NAA16: variants seen among roughly 807,000 people sequenced by gnomAD.
NAA16 encodes N-alpha-acetyltransferase 16, NatA auxiliary subunit.
A neutral mutation model predicts 110.3 loss-of-function variants in NAA16; 97 were observed. That is an observed-to-expected ratio of 0.88 (90% CI 0.75 to 1.04). The LOEUF (loss-of-function observed/expected upper bound fraction) is 1.04, where lower values mean the gene tolerates loss of function less well. Ranked by LOEUF, NAA16 falls within the 50% of genes least tolerant of loss-of-function variation. NAA16 has a pLI of 0.00. For missense variants in NAA16, 1,017 were observed against 1,005.1 expected, an observed-to-expected ratio of 1.01 and a Z score of -0.16; for synonymous variants, 372 against 330.6, an observed-to-expected ratio of 1.13 and a Z score of -1.36.
chr13:41,373,096 T>C (rs1456512387), intron 17 of NAA16: 6 of 748,914 alleles, frequency 8.0e-6, no homozygotes, highest in Non-Finnish European at 9.6e-6. Flanking sequence ...ATAATAATAA[T>C]TTACATAGTT....
intron 7 of NAA16, among the ~76,000 whole-genome samples, chr13:41,329,273 G>C (rs1456005785): frequency 6.6e-6 from 1 of 151,936 alleles, no homozygotes; most frequent in African/African-American, 2.4e-5. Flanking sequence ...GAGGATATTT[G>C]CTTTGATTTC....
At chr13:41,343,657 G>A (rs1419768773) in intron 9 of NAA16, among the ~76,000 whole-genome samples, 1 of 152,178 alleles carries the variant, frequency 6.6e-6, no homozygotes. Context: ...AGCCTCCCGA[G>A]TAGCTGGGAC....
intron 9 of NAA16, among the ~76,000 whole-genome samples, chr13:41,337,208 T>G (rs1285133254): frequency 6.6e-6 from 1 of 152,164 alleles, no homozygotes; most frequent in Admixed American, 6.5e-5. Flanking sequence ...AAATACAGGT[T>G]TAGCTAGTTC....
intron 10 of NAA16, among the ~76,000 whole-genome samples, chr13:41,355,867 C>T (rs187143177): frequency 1.3e-4 from 20 of 152,280 alleles, no homozygotes; most frequent in African/African-American, 4.6e-4. Context: ...TACTTTTAAT[C>T]CTCTTTAGTT....
rs190054067 is a variant in NAA16, at chr13:41,375,684, G to A, written c.*82G>A. The A allele has an allele frequency of 7.0e-5, 71 of 1,014,832 alleles. No homozygotes were observed. Among genetic ancestry groups the A allele is most frequent in the South Asian group, 5.1e-4 (27 of 53,350 alleles). 62.9% of individuals were successfully genotyped at this position (1,014,832 alleles called of 1,614,324 possible). A position where few individuals can be genotyped will look rare whatever the true frequency, so the allele number is the denominator to read the frequency against. ...TTTTCCAGGGTGCATTTTAATATAC[G>A]TATGAAATGAAATATTTGGTTAGGA... On this transcript the variant is annotated 3_prime_UTR_variant, in exon 20 of 20. Transcript: ENST00000379406.
chr13:41,332,754 GTTTA>G (rs1353209219), intron 8 of NAA16, among the ~76,000 whole-genome samples: 3 of 150,642 alleles, frequency 2.0e-5, no homozygotes, highest in Admixed American at 6.7e-5. Flanking sequence ...TGGGTTATAA[GTTTA>G]TTTTTACCAA....
chr13:41,347,451 CAACTT>C (rs1428877410), intron 9 of NAA16, among the ~76,000 whole-genome samples: 7 of 152,076 alleles, frequency 4.6e-5, no homozygotes, highest in Admixed American at 3.3e-4. Flanking sequence ...GAAGTATCCT[CAACTT>C]AACAATATTA....
Position 41,372,904 on chromosome 13 carries a change from A to C in NAA16, c.2155+74A>C, listed in dbSNP as rs1369294667. 8 of 1,330,070 alleles carry C rather than the reference A, an allele frequency of 6.0e-6. No homozygotes were observed. The African/African-American group carries it at 9.0e-5, about 15-fold the overall frequency. The allele number at this position is 1,330,070 out of a possible 1,614,324, so 82.4% of individuals were successfully genotyped here. A position where few individuals can be genotyped will look rare whatever the true frequency, so the allele number is the denominator to read the frequency against. On this transcript the variant is annotated intron_variant, in intron 17 of 19. Coordinates refer to ENST00000379406, the MANE Select transcript of NAA16 (RefSeq NM_024561.5). The stretch of plus-strand genomic sequence containing the variant: ...GGAGGAGGTTGTTAAATCTCTGTTG[A>C]TCTGATAAATATTTAATAACCCTCT...
chr13:41,312,137 G>C (rs1190792010), intron 1 of NAA16, among the ~76,000 whole-genome samples: 2 of 152,164 alleles, frequency 1.3e-5, no homozygotes, highest in Admixed American at 6.5e-5. Flanking sequence ...ACCTCCCTTT[G>C]GGAAAAAGTT....
rs976764525 is a variant in NAA16 at position 41,324,783 on chromosome 13, C to T, written c.538-915C>T. 5.3e-5 allele frequency among the ~76,000 whole-genome samples: 8 copies of T among 151,612 alleles called. No individual in the cohort carries two copies. In the East Asian group the frequency reaches 9.7e-4, roughly 18 times the overall value. ...ACTACAGTCTTGAACTCTTAGGCTA[C>T]GACTAGGACTTGAACTCCTAGCTAG... On this transcript the variant is annotated intron_variant, in intron 5 of 19. Transcript: ENST00000379406.
At chr13:41,375,150 A>G (rs760128059) in intron 19 of NAA16, among the ~76,000 whole-genome samples, 10 of 152,196 alleles carry the variant, frequency 6.6e-5, no homozygotes, top group Non-Finnish European at 1.3e-4. Context: ...TTTGTTAGTA[A>G]AGGACACTTT....
intron 13 of NAA16, among the ~76,000 whole-genome samples, chr13:41,366,364 C>T (rs2043207076): frequency 6.6e-6 from 1 of 152,124 alleles, no homozygotes; most frequent in Non-Finnish European, 1.5e-5. Context: ...AGTGACTTAA[C>T]TATCCCCAGG....
Position 41,362,695 on chromosome 13 carries a change from G to T in NAA16, c.1539+536G>T, listed in dbSNP as rs996998679. On this transcript the variant is annotated intron_variant, in intron 13 of 19. Coordinates refer to ENST00000379406, the MANE Select transcript of NAA16 (RefSeq NM_024561.5). ...AGGGGACTTTTCTTTTCCTTTGTGT[G>T]AATTTTTGTTTTCCTGTTCTTTGTC... 3 of 1,289,356 alleles carry T rather than the reference G, an allele frequency of 2.3e-6. No individual in the cohort carries two copies. The African/African-American group carries it at 4.6e-5, about 20-fold the overall frequency. 79.9% of individuals were successfully genotyped at this position (1,289,356 alleles called of 1,614,324 possible).
At chr13:41,333,602 G>C (rs905496790) in intron 8 of NAA16, among the ~76,000 whole-genome samples, 4 of 152,018 alleles carry the variant, frequency 2.6e-5, no homozygotes, top group Middle Eastern at 3.2e-3. Context: ...TATTGTGTGT[G>C]GGGGGGATAT....
At position 41,373,297 on chromosome 13, in the gene NAA16, G is replaced by T. The variant is rs187151370; in HGVS notation, c.2156-340G>T. On this transcript the variant is annotated intron_variant, in intron 17 of 19. Coordinates refer to ENST00000379406, the MANE Select transcript of NAA16 (RefSeq NM_024561.5). ...TTTTTTGAGACAGTCTTGCTCTGTT[G>T]TCTAGGCTGGAGTGCAGTAGCACGA... 3.5e-4 allele frequency: 226 copies of T among 637,294 alleles called. No homozygotes were observed. In the African/African-American group the frequency reaches 4.1e-3, roughly 12 times the overall value. The allele number at this position is 637,294 out of a possible 1,614,324, so 39.5% of individuals were successfully genotyped here. A position where few individuals can be genotyped will look rare whatever the true frequency, so the allele number is the denominator to read the frequency against.
chr13:41,336,618 C>A, intron 8 of NAA16, 32 bp from the exon 9 acceptor site: 1 of 1,296,094 alleles, frequency 7.7e-7, no homozygotes, highest in South Asian at 1.4e-5. Context: ...TTGCGTGAAC[C>A]AAAGAATAAC....
At chr13:41,351,857 A>T (rs2042843987) in intron 9 of NAA16, among the ~76,000 whole-genome samples, 1 of 152,240 alleles carries the variant, frequency 6.6e-6, no homozygotes, top group African/African-American at 2.4e-5. Context: ...TCTTGACTTT[A>T]AAATAATGGA....
intron 1 of NAA16, among the ~76,000 whole-genome samples, chr13:41,315,474 C>G (rs1460133429): frequency 2.0e-5 from 3 of 152,112 alleles, no homozygotes; most frequent in Admixed American, 6.5e-5. Context: ...TAATGATGGT[C>G]TTTGGAGTAA....
At position 41,373,653 on chromosome 13, in the gene NAA16, T is replaced by C. The variant is rs1043000102; in HGVS notation, c.2172T>C (p.Asn724=). 3.7e-6 allele frequency: 6 copies of C among 1,601,674 alleles called. No individual in the cohort carries two copies. Among genetic ancestry groups the C allele is most frequent in the South Asian group, 3.4e-5 (3 of 88,728 alleles). The change falls in exon 18 of 20, where the codon AAT becomes AAC. Residue 724 remains asparagine (N), a synonymous_variant. Coordinates refer to ENST00000379406, the MANE Select transcript of NAA16 (RefSeq NM_024561.5). The part of the protein sequence containing the change: ...RFSKSVSNHS[N]LPDIVSKVLS... ...TTTTTATAGTGTCTAATCATAGTAA[T>C]CTTCCAGACATTGTGAGCAAAGTTC...
Sources: allele counts gnomAD v4.1 joint callset (sites outside exome capture counted in the v4.1 genomes callset), GRCh38; gene constraint gnomAD v4.1.1; transcripts MANE v1.5; gene names NCBI Gene and HGNC (gene_info 2026-07-23, HGNC 2026-07-21).